The following SOX5 variants were observed in gnomAD, a reference collection of about 807,000 sequenced individuals.
SOX5 encodes SRY-box transcription factor 5.
In SOX5, 9 loss-of-function variants were observed where a neutral mutation model predicts 92.0. The ratio of observed to expected loss-of-function variants is 0.10; its 90% confidence interval spans 0.06 to 0.17. The LOEUF (loss-of-function observed/expected upper bound fraction) is 0.17, where lower values mean the gene tolerates loss of function less well. Ranked by LOEUF, SOX5 falls within the 10% of genes least tolerant of loss-of-function variation. SOX5 has a pLI of 1.00. For synonymous variants in SOX5, 344 were observed against 336.3 expected, an observed-to-expected ratio of 1.02 and a Z score of -0.25; for missense variants, 642 against 944.5, an observed-to-expected ratio of 0.68 and a Z score of 4.20.
intron 2 of SOX5, among the ~76,000 whole-genome samples, chr12:23,885,942 T>G (rs2097059357): frequency 6.6e-6 from 1 of 151,980 alleles, no homozygotes; most frequent in Non-Finnish European, 1.5e-5. Flanking sequence ...GAATTGAGTT[T>G]CAATGCCAGC....
At chr12:23,673,994 G>GAA in intron 6 of SOX5, among the ~76,000 whole-genome samples, 1 of 152,186 alleles carries the variant, frequency 6.6e-6, no homozygotes, top group South Asian at 2.1e-4. Context: ...ACTAATACCT[G>GAA]AAGCAGGATT....
intron 7 of SOX5, among the ~76,000 whole-genome samples, chr12:23,660,035 A>C (rs553618491): frequency 6.6e-6 from 1 of 152,318 alleles, no homozygotes; most frequent in East Asian, 1.9e-4. Context: ...AGGTTGTATT[A>C]AACCAAGCAA....
chr12:24,487,392 A>G (rs753663246), intron 1 of SOX5, among the ~76,000 whole-genome samples: 10 of 152,202 alleles, frequency 6.6e-5, no homozygotes, highest in Non-Finnish European at 5.9e-5. Context: ...AAACTACATT[A>G]TATTTTCTAA....
At chr12:24,156,069 T>C (rs934293881) in intron 4 of SOX5, among the ~76,000 whole-genome samples, 3 of 152,142 alleles carry the variant, frequency 2.0e-5, no homozygotes, top group Non-Finnish European at 2.9e-5. Flanking sequence ...CACTGTGAAT[T>C]TTCCTCCGAG....
At chr12:24,056,352 A>C (rs918908850) in intron 4 of SOX5, among the ~76,000 whole-genome samples, 1 of 152,236 alleles carries the variant, frequency 6.6e-6, no homozygotes, top group Admixed American at 6.5e-5. Context: ...AACCCATCAC[A>C]AAATAATTTC....
chr12:23,973,629 T>C (rs1185603989), intron 4 of SOX5, among the ~76,000 whole-genome samples: 2 of 152,166 alleles, frequency 1.3e-5, no homozygotes, highest in African/African-American at 2.4e-5. Context: ...CCAATACTCA[T>C]GGTGGATGCC....
At chr12:24,553,558 A>AT (rs1166598151) in intron 1 of SOX5, among the ~76,000 whole-genome samples, 2 of 152,220 alleles carry the variant, frequency 1.3e-5, no homozygotes, top group African/African-American at 2.4e-5. Context: ...TAGGACTACA[A>AT]TTCAATGCCC....
At chr12:24,259,938 G>A in intron 3 of SOX5, among the ~76,000 whole-genome samples, 1 of 152,098 alleles carries the variant, frequency 6.6e-6, no homozygotes, top group Non-Finnish European at 1.5e-5. Context: ...GTTTGATGTT[G>A]GATTTGATTT....
intron 3 of SOX5, among the ~76,000 whole-genome samples, chr12:23,818,709 AACAC>A (rs1453712778): frequency 1.3e-5 from 2 of 152,176 alleles, no homozygotes; most frequent in East Asian, 3.8e-4. Context: ...CACAGGGTAA[AACAC>A]ACACATCATA....
chr12:23,949,614 C>T lies in SOX5; in HGVS notation c.-13G>A. ...GGTCAGTAAGCATGCTGGAAAAGCA[C>T]AATTTCCCTTTGTCACAGCAGCCAC... On this transcript the variant is annotated 5_prime_UTR_variant, in exon 1 of 15. The change creates a new upstream start codon in the 5' untranslated region. Transcript: ENST00000451604. The T allele has an allele frequency of 6.2e-7, 1 of 1,613,754 alleles. No homozygotes were observed. Among genetic ancestry groups the T allele is most frequent in the East Asian group, 2.2e-5 (1 of 44,860 alleles).
chr12:23,591,317 G>A (rs571030105), intron 9 of SOX5, among the ~76,000 whole-genome samples: 2 of 152,004 alleles, frequency 1.3e-5, no homozygotes, highest in Non-Finnish European at 2.9e-5. Context: ...TTATTATAAT[G>A]CAAACATTAA....
chr12:24,532,696 G>T (rs1951298848), intron 1 of SOX5, among the ~76,000 whole-genome samples: 2 of 152,168 alleles, frequency 1.3e-5, no homozygotes, highest in South Asian at 4.1e-4. Context: ...ACTGATAAAA[G>T]TGTCATTAGC....
At chr12:24,056,974 C>CAAAAAAAAAAAAAAAAAAAAAAA (rs60085412) in intron 4 of SOX5, among the ~76,000 whole-genome samples, 8 of 36,908 alleles carry the variant, frequency 2.2e-4, no homozygotes, top group Non-Finnish European at 2.8e-4. Context: ...GACTCCGTCT[C>CAAAAAAAAAAAAAAAAAAAAAAA]AAAAAAAAAA....
chr12:23,920,370 G>C (rs370167917), intron 1 of SOX5: 2 of 152,286 alleles, frequency 1.3e-5, no homozygotes, highest in East Asian at 3.9e-4. Context: ...CAAACTTTAA[G>C]ACTGCCTATT....
chr12:24,342,325 A>G (rs150238328), intron 2 of SOX5, among the ~76,000 whole-genome samples: 26 of 152,102 alleles, frequency 1.7e-4, no homozygotes, highest in Non-Finnish European at 2.5e-4. Context: ...ATTTCTCACC[A>G]AGTCTACACC....
intron 4 of SOX5, among the ~76,000 whole-genome samples, chr12:24,122,156 C>G (rs1008724060): frequency 1.3e-5 from 2 of 152,110 alleles, no homozygotes; most frequent in African/African-American, 2.4e-5. Context: ...CAGACAAGAG[C>G]AGAACTTTCA....
intron 2 of SOX5, among the ~76,000 whole-genome samples, chr12:24,309,079 T>C (rs986653665): frequency 6.6e-6 from 1 of 152,230 alleles, no homozygotes; most frequent in Non-Finnish European, 1.5e-5. Context: ...ATTTTTCAAA[T>C]AGAAACTGCA....
intron 2 of SOX5, among the ~76,000 whole-genome samples, chr12:24,352,337 G>C (rs931471760): frequency 6.6e-6 from 1 of 152,194 alleles, no homozygotes; most frequent in Non-Finnish European, 1.5e-5. Context: ...ATTATATAAT[G>C]AGAAACAAAT....
intron 2 of SOX5, among the ~76,000 whole-genome samples, chr12:23,857,827 G>C (rs7964164): frequency 6.6e-6 from 1 of 151,390 alleles, no homozygotes; most frequent in South Asian, 2.1e-4. Context: ...CCCCCTCCCA[G>C]GTTCAAGCGA....
Sources: allele counts gnomAD v4.1 joint callset (sites outside exome capture counted in the v4.1 genomes callset), GRCh38; gene constraint gnomAD v4.1.1; transcripts MANE v1.5; gene names NCBI Gene and HGNC (gene_info 2026-07-23, HGNC 2026-07-21).